The following PHEX variants were observed in gnomAD, a reference collection of about 807,000 sequenced individuals.
The protein encoded by PHEX is phosphate regulating endopeptidase X-linked.
A neutral mutation model predicts 68.0 loss-of-function variants in PHEX; 16 were observed. That is an observed-to-expected ratio of 0.24 (90% confidence interval 0.16 to 0.36). PHEX has a LOEUF of 0.36. Among genes scored for constraint, PHEX ranks in the 10% least tolerant of loss-of-function variants. The probability of loss-of-function intolerance (pLI) is 1.00; values close to 1 mark genes in which losing one functional copy is unlikely to be tolerated. For synonymous variants in PHEX, 208 were observed against 205.1 expected, an observed-to-expected ratio of 1.01 and a Z score of -0.12; for missense variants, 480 against 575.5, an observed-to-expected ratio of 0.83 and a Z score of 1.70.
intron 7 of PHEX, among the ~76,000 whole-genome samples, 179 bp from the exon 8 acceptor site, chrX:22,096,776 T>C (rs1930153470): frequency 8.9e-6 from 1 of 111,847 alleles, no homozygotes; most frequent in Admixed American, 9.5e-5. Context: ...GATATGAAAG[T>C]TTATTTTCTT....
At chrX:22,085,865 T>TA (rs1243825368) in intron 5 of PHEX, among the ~76,000 whole-genome samples, 1 of 112,216 alleles carries the variant, frequency 8.9e-6, no homozygotes, top group East Asian at 2.8e-4. Flanking sequence ...GTTGATTGTC[T>TA]AGATGATCTA....
At chrX:22,097,087 A>G in intron 8 of PHEX, 49 bp downstream of exon 8, 1 of 868,615 alleles carries the variant, frequency 1.2e-6, no homozygotes, top group East Asian at 3.1e-5. Flanking sequence ...TCATTTTAGA[A>G]GGGATTGGAT....
intron 12 of PHEX, among the ~76,000 whole-genome samples, chrX:22,141,586 A>C (rs188807292): frequency 1.5e-3 from 168 of 111,147 alleles, no homozygotes; most frequent in African/African-American, 2.3e-3. Context: ...AACAAACAAA[A>C]AAAAAAACCC....
chrX:22,041,802 TATTTC>T (rs1344810681), intron 2 of PHEX, among the ~76,000 whole-genome samples: 2 of 111,345 alleles, frequency 1.8e-5, no homozygotes, highest in African/African-American at 6.5e-5. Flanking sequence ...GAAGGCCACT[TATTTC>T]ATGAGTTTTA....
chrX:22,135,389 C>T (rs776481667), intron 12 of PHEX, among the ~76,000 whole-genome samples: 1 of 112,043 alleles, frequency 8.9e-6, no homozygotes, highest in African/African-American at 3.2e-5. Context: ...GGCAGTTGAG[C>T]GCTTAGTGTA....
intron 3 of PHEX, among the ~76,000 whole-genome samples, chrX:22,063,028 T>A (rs763447619): frequency 4.2e-4 from 47 of 111,784 alleles, no homozygotes; most frequent in African/African-American, 1.5e-3. Context: ...CCTAAAGTGC[T>A]GGGATTACAG....
At chrX:22,149,587 C>G (rs1203667247) in intron 12 of PHEX, among the ~76,000 whole-genome samples, 1 of 112,093 alleles carries the variant, frequency 8.9e-6, no homozygotes, top group African/African-American at 3.2e-5. Context: ...AACCCTGTCT[C>G]TACTAAAAAT....
chrX:22,104,615 C>T (rs1199512794), intron 9 of PHEX, among the ~76,000 whole-genome samples: 2 of 111,931 alleles, frequency 1.8e-5, no homozygotes, highest in East Asian at 5.6e-4. Context: ...CTTGACAAGG[C>T]AGTTGGCAAC....
At chrX:22,070,432 C>A (rs1928847969) in intron 3 of PHEX, among the ~76,000 whole-genome samples, 1 of 111,797 alleles carries the variant, frequency 8.9e-6, no homozygotes, top group African/African-American at 3.3e-5. Context: ...GTAATCCCAG[C>A]ACTATGGGAG....
intron 17 of PHEX, among the ~76,000 whole-genome samples, chrX:22,221,208 C>G (rs1935257772): frequency 9.0e-6 from 1 of 111,592 alleles, no homozygotes; most frequent in Admixed American, 9.5e-5. Flanking sequence ...GGGGCTATTC[C>G]TATGGATCAT....
At chrX:22,097,146 G>C in intron 8 of PHEX, 108 bp downstream of exon 8, 1 of 585,073 alleles carries the variant, frequency 1.7e-6, no homozygotes, top group African/African-American at 2.2e-5. Context: ...CTCAGTCTTG[G>C]TTATCATCAT....
At chrX:22,171,938 G>A (rs1025766596) in intron 13 of PHEX, 3 of 111,995 alleles carry the variant, frequency 2.7e-5, no homozygotes, top group Non-Finnish European at 3.8e-5. Flanking sequence ...AAAGAGGAGC[G>A]AGATTACCTG....
At chrX:22,145,288 T>C (rs1235744033) in intron 12 of PHEX, among the ~76,000 whole-genome samples, 1 of 112,040 alleles carries the variant, frequency 8.9e-6, no homozygotes, top group East Asian at 2.8e-4. Context: ...TCAGACTCTC[T>C]GGGAGTGGGA....
intron 20 of PHEX, among the ~76,000 whole-genome samples, chrX:22,237,590 A>G (rs1426768237): frequency 2.7e-5 from 3 of 111,838 alleles, no homozygotes; most frequent in African/African-American, 9.8e-5. Flanking sequence ...AATCTTTTTC[A>G]AAATCTGGGT....
intron 3 of PHEX, among the ~76,000 whole-genome samples, chrX:22,064,468 A>G (rs1928512737): frequency 8.9e-6 from 1 of 111,974 alleles, no homozygotes; most frequent in Non-Finnish European, 1.9e-5. Context: ...ATGTTCCTGC[A>G]AAGGATGATC....
At chrX:22,161,167 A>G (rs187780912) in intron 12 of PHEX, among the ~76,000 whole-genome samples, 11 of 112,435 alleles carry the variant, frequency 9.8e-5, no homozygotes, top group African/African-American at 3.2e-4. Context: ...TGGATTTTAT[A>G]TCTTGCTTAA....
At chrX:22,064,010 A>G (rs778935075) in intron 3 of PHEX, among the ~76,000 whole-genome samples, 40 of 112,815 alleles carry the variant, frequency 3.5e-4, no homozygotes, top group Middle Eastern at 4.6e-3. Flanking sequence ...AATATTGTCA[A>G]CTGTAAGATG....
At chrX:22,212,705 T>C (rs1455623115) in intron 15 of PHEX, among the ~76,000 whole-genome samples, 199 bp from the exon 16 acceptor site, 10 of 111,942 alleles carry the variant, frequency 8.9e-5, no homozygotes, top group Non-Finnish European at 1.7e-4. Flanking sequence ...ATGGTTTCCC[T>C]GAAACCTTTA....
intron 13 of PHEX, among the ~76,000 whole-genome samples, chrX:22,174,654 C>T (rs1206204859): frequency 1.8e-5 from 2 of 111,626 alleles, no homozygotes; most frequent in African/African-American, 6.5e-5. Flanking sequence ...AGAGAAAACG[C>T]ACTCATAATA....
Sources: gnomAD v4.1 joint callset for allele counts (sites outside exome capture counted in the v4.1 genomes callset) on GRCh38, gnomAD v4.1.1 for gene constraint, MANE v1.5 for transcripts, NCBI Gene and HGNC (gene_info 2026-07-23, HGNC 2026-07-21) for gene names.